The following SORBS2 variants were observed in gnomAD, a reference collection of about 807,000 sequenced individuals.
The protein encoded by SORBS2 is sorbin and SH3 domain-containing protein 2.
Under a neutral mutation model 97.7 loss-of-function variants are expected in SORBS2, and 46 were observed. The ratio of observed to expected loss-of-function variants is 0.47; its 90% CI spans 0.37 to 0.60. SORBS2 has a LOEUF of 0.60. Ranked by LOEUF, SORBS2 falls within the 20% of genes least tolerant of loss-of-function variation. The pLI is 0.00. For missense variants in SORBS2, 1,316 were observed against 1,282.3 expected (o/e 1.03, Z -0.40); for synonymous variants, 476 against 473.4 (o/e 1.01, Z -0.07).
chr4:185,917,029 T>C lies in SORBS2; in HGVS notation c.-338+39167A>G, dbSNP rs114229847. Among the ~76,000 whole-genome samples, 624 of 152,266 alleles carry C rather than the reference T, an allele frequency of 4.1e-3. 3 individuals carry two copies. Among genetic ancestry groups the C allele is most frequent in the African/African-American group, 0.014 (594 of 41,536 alleles). ...GTAGAGGGGCTGAAGGTTAAGTGGA[T>C]CACCAATGGCCAATGGTTTAATTAA... On this transcript the variant is annotated intron_variant, in intron 1 of 20. Transcript: ENST00000284776.
chr4:185,953,297 G>A (rs1000538348), intron 1 of SORBS2, among the ~76,000 whole-genome samples: 1 of 152,254 alleles, frequency 6.6e-6, no homozygotes, highest in Admixed American at 6.5e-5. Flanking sequence ...CTGGGTGACA[G>A]AATGAGACTC....
chr4:185,660,134 T>C, upstream of SORBS2, among the ~76,000 whole-genome samples: 1 of 152,192 alleles, frequency 6.6e-6, no homozygotes, highest in East Asian at 1.9e-4. Context: ...CCATGCAGAA[T>C]ATTTTATATG....
chr4:185,876,312 T>C (rs2099233642), intron 1 of SORBS2, among the ~76,000 whole-genome samples: 1 of 152,134 alleles, frequency 6.6e-6, no homozygotes. Flanking sequence ...TTAACTATAT[T>C]GGCCAGGCTG....
intron 1 of SORBS2, among the ~76,000 whole-genome samples, chr4:185,792,090 T>A (rs991431146): frequency 1.3e-5 from 2 of 152,254 alleles, no homozygotes; most frequent in African/African-American, 2.4e-5. Flanking sequence ...TATTGCTTAG[T>A]CTTGTGGCAT....
intron 1 of SORBS2, among the ~76,000 whole-genome samples, chr4:185,779,877 T>C (rs2099018832): frequency 6.6e-6 from 1 of 152,118 alleles, no homozygotes; most frequent in Non-Finnish European, 1.5e-5. Context: ...CAAAGACATA[T>C]TGAAACAGCA....
chr4:185,806,510 T>TG (rs2099156001), intron 1 of SORBS2, among the ~76,000 whole-genome samples: 2 of 135,056 alleles, frequency 1.5e-5, no homozygotes, highest in African/African-American at 5.7e-5. Flanking sequence ...CAGGCTGGAG[T>TG]GCAGTGGCGG....
chr4:185,932,404 G>A (rs1015602354), intron 1 of SORBS2, among the ~76,000 whole-genome samples: 9 of 151,540 alleles, frequency 5.9e-5, no homozygotes, highest in Non-Finnish European at 1.3e-4. Context: ...GGCGTGATTC[G>A]ATGATAGTCT....
intron 12 of SORBS2, 84 bp downstream of exon 24, chr4:185,611,696 C>T (rs903404597): frequency 1.2e-5 from 13 of 1,049,490 alleles, no homozygotes; most frequent in Non-Finnish European, 1.7e-5. Flanking sequence ...ATATGATATT[C>T]TAATCTAATA....
intron 7 of SORBS2, 147 bp from the exon 20 acceptor site, chr4:185,620,298 C>A: frequency 3.1e-6 from 2 of 643,114 alleles, no homozygotes; most frequent in Admixed American, 2.5e-5. Flanking sequence ...ACTCATAGTT[C>A]ATTACAAAGT....
chr4:185,651,973 CT>C (rs1013320037), intron 2 of SORBS2, 145 bp from the exon 11 acceptor site: 480 of 587,942 alleles, frequency 8.2e-4, no homozygotes, highest in Middle Eastern at 3.4e-3. Context: ...TTCTTTTTTT[CT>C]TTTTTTTTAA....
At chr4:185,681,680 G>A (rs530057756) in intron 2 of SORBS2, among the ~76,000 whole-genome samples, 9 of 152,254 alleles carry the variant, frequency 5.9e-5, no homozygotes, top group Admixed American at 1.3e-4. Context: ...AGAGCTCCAC[G>A]TGCTCTTACC....
At chr4:185,868,147 C>CTT (rs372271322) in intron 1 of SORBS2, among the ~76,000 whole-genome samples, 3 of 89,766 alleles carry the variant, frequency 3.3e-5, no homozygotes, top group Non-Finnish European at 6.6e-5. Flanking sequence ...CTTTTCTTTT[C>CTT]TTTTTTTCTT....
At chr4:185,839,565 C>T (rs1164542951) in intron 1 of SORBS2, among the ~76,000 whole-genome samples, 1 of 152,068 alleles carries the variant, frequency 6.6e-6, no homozygotes, top group Non-Finnish European at 1.5e-5. Flanking sequence ...AGGGAGGAGG[C>T]CTGGGGAGAG....
intron 2 of SORBS2, among the ~76,000 whole-genome samples, chr4:185,709,133 C>G (rs1303543522): frequency 6.6e-6 from 1 of 152,184 alleles, no homozygotes; most frequent in African/African-American, 2.4e-5. Flanking sequence ...TTCTCCCTGC[C>G]TCAACCTCCC....
intron 2 of SORBS2, among the ~76,000 whole-genome samples, chr4:185,726,507 T>A (rs1419125145): frequency 6.6e-6 from 1 of 152,060 alleles, no homozygotes; most frequent in Non-Finnish European, 1.5e-5. Flanking sequence ...AAAAGACCCA[T>A]TCCCCCAAGA....
At chr4:185,627,478 G>A (rs1480351098) in intron 5 of SORBS2, among the ~76,000 whole-genome samples, 1 of 152,206 alleles carries the variant, frequency 6.6e-6, no homozygotes, top group Non-Finnish European at 1.5e-5. Context: ...TCAGTCTCCT[G>A]AAGTGTTGGG....
chr4:185,612,558 T>C (rs1219607531), intron 11 of SORBS2, among the ~76,000 whole-genome samples: 2 of 151,324 alleles, frequency 1.3e-5, no homozygotes, highest in East Asian at 1.9e-4. Context: ...GGTGTGATCA[T>C]GGCTCACTGC....
intron 1 of SORBS2, among the ~76,000 whole-genome samples, chr4:185,784,171 G>A (rs892538391): frequency 3.3e-5 from 5 of 151,976 alleles, no homozygotes; most frequent in African/African-American, 7.3e-5. Context: ...TGGATCTGTC[G>A]CCCAGGCTAG....
intron 4 of SORBS2, among the ~76,000 whole-genome samples, chr4:185,639,766 G>A (rs2097096008): frequency 6.6e-6 from 1 of 152,198 alleles, no homozygotes; most frequent in Non-Finnish European, 1.5e-5. Context: ...GAGAGGAGCT[G>A]TGACTCCCAA....
Sources: gnomAD v4.1 joint callset for allele counts (sites outside exome capture counted in the v4.1 genomes callset) on GRCh38, gnomAD v4.1.1 for gene constraint, MANE v1.5 for transcripts, NCBI Gene and HGNC (gene_info 2026-07-23, HGNC 2026-07-21) for gene names.